SIMC1: variants seen among roughly 807,000 people sequenced by gnomAD.
SIMC1 encodes SUMO-interacting motif-containing protein 1.
SIMC1 carries 55 observed loss-of-function variants against 82.3 expected under a neutral mutation model. The ratio of observed to expected loss-of-function variants is 0.67; its 90% CI spans 0.54 to 0.84. The LOEUF is 0.84. Ranked by LOEUF, SIMC1 falls within the 40% of genes least tolerant of loss-of-function variation. SIMC1 has a pLI of 0.00. For missense variants in SIMC1, 915 were observed against 1,107.2 expected (o/e 0.83, Z 2.46); for synonymous variants, 353 against 426.3 (o/e 0.83, Z 2.12).
At chr5:176,259,721 C>G (rs1225515953) in intron 1 of SIMC1, among the ~76,000 whole-genome samples, 1 of 151,018 alleles carries the variant, frequency 6.6e-6, no homozygotes, top group Non-Finnish European at 1.5e-5. Flanking sequence ...TGCAGTGAGC[C>G]GAAATCGTGC....
intron 9 of SIMC1, among the ~76,000 whole-genome samples, chr5:176,344,680 C>CGTAAA: frequency 6.6e-6 from 1 of 152,262 alleles, no homozygotes; most frequent in African/African-American, 2.4e-5. Context: ...GGAGGTGCTA[C>CGTAAA]GTAAACACTT....
At chr5:176,257,223 C>T (rs1761875399) in intron 1 of SIMC1, among the ~76,000 whole-genome samples, 1 of 152,124 alleles carries the variant, frequency 6.6e-6, no homozygotes, top group African/African-American at 2.4e-5. Flanking sequence ...GCTGTTCTTG[C>T]ATTACTGTAA....
intron 4 of SIMC1, among the ~76,000 whole-genome samples, chr5:176,306,302 C>T (rs1359719597): frequency 7.2e-6 from 1 of 139,218 alleles, no homozygotes; most frequent in Admixed American, 7.0e-5. Flanking sequence ...GGGGTCAGCC[C>T]CCCGTCCGGC....
chr5:176,255,256 A>G (rs1761811707), intron 1 of SIMC1, among the ~76,000 whole-genome samples: 1 of 150,458 alleles, frequency 6.6e-6, no homozygotes. Context: ...AAAAAAAAGA[A>G]CCAATAATGT....
At chr5:176,251,432 A>G (rs113522445) in intron 1 of SIMC1, among the ~76,000 whole-genome samples, 1 of 152,012 alleles carries the variant, frequency 6.6e-6, no homozygotes, top group African/African-American at 2.4e-5. Flanking sequence ...TCCTTTCCAT[A>G]TTTAGTGCTT....
chr5:176,295,110 G>T lies in SIMC1; in HGVS notation c.1512G>T (p.Leu504=). The T allele has an allele frequency of 6.2e-7, 1 of 1,613,548 alleles. No homozygotes were observed. Among genetic ancestry groups the T allele is most frequent in the Non-Finnish European group, 8.5e-7 (1 of 1,179,692 alleles). ...VTNTIEENFP[L]GTVQFLMDFV... ...ATACCATTGAAGAGAATTTTCCTCT[G>T]GGGACTGTGCAGTTTTTGATGGACT... The change falls in exon 3 of 10, where the codon CTG becomes CTT. Residue 504 remains leucine (L), a synonymous_variant. Transcript: ENST00000429602.
At chr5:176,308,812 T>C (rs1161761282) in intron 4 of SIMC1, 16 of 1,239,538 alleles carry the variant, frequency 1.3e-5, no homozygotes, top group Non-Finnish European at 1.8e-5. Context: ...TATTGGAGGA[T>C]CCACAGCCTT....
chr5:176,251,660 T>G (rs1268573499), intron 1 of SIMC1, among the ~76,000 whole-genome samples: 1 of 150,796 alleles, frequency 6.6e-6, no homozygotes, highest in Non-Finnish European at 1.5e-5. Flanking sequence ...AGGACAATAG[T>G]GGAGGGAAGG....
Position 176,315,993 on chromosome 5 carries a change from G to T in SIMC1, c.1889+2148G>T, listed in dbSNP as rs532932600. ...AGTTCAAGACCAGCCTGGCCAACAC[G>T]GTGAAACCCTATCTCTACTAAAAAT... On this transcript the variant is annotated intron_variant, in intron 5 of 9. Transcript: ENST00000429602. 3.8e-4 allele frequency among the ~76,000 whole-genome samples: 57 copies of T among 151,944 alleles called. 1 individual carries two copies. Among genetic ancestry groups the T allele is most frequent in the Middle Eastern group, 3.4e-3 (1 of 292 alleles).
intron 1 of SIMC1, among the ~76,000 whole-genome samples, chr5:176,276,571 A>G (rs1361088227): frequency 1.4e-5 from 2 of 145,796 alleles, no homozygotes; most frequent in Non-Finnish European, 3.0e-5. Context: ...AGCATTAGGT[A>G]TATCTCCCAA....
intron 4 of SIMC1, chr5:176,308,077 G>C: frequency 1.4e-6 from 1 of 727,154 alleles, no homozygotes; most frequent in Non-Finnish European, 2.5e-6. Context: ...CAGTGCAGGT[G>C]GTGCAGGCGG....
At chr5:176,324,396 C>A (rs1765287777) in intron 6 of SIMC1, among the ~76,000 whole-genome samples, 2 of 152,090 alleles carry the variant, frequency 1.3e-5, no homozygotes. Context: ...AGCTCAACCC[C>A]AGGTTCTGAG....
chr5:176,319,936 G>A (rs1440961167), intron 5 of SIMC1, among the ~76,000 whole-genome samples: 1 of 152,026 alleles, frequency 6.6e-6, no homozygotes, highest in African/African-American at 2.4e-5. Flanking sequence ...AAAAGATAAT[G>A]GAAGCTCTGA....
At chr5:176,303,033 T>G (rs1389016125) in intron 4 of SIMC1, among the ~76,000 whole-genome samples, 1 of 152,154 alleles carries the variant, frequency 6.6e-6, no homozygotes, top group Non-Finnish European at 1.5e-5. Flanking sequence ...CATTTCTTTT[T>G]TTTTGTAGAA....
In SIMC1 at chr5:176,345,268, A is replaced by G. The variant is rs1250697361; in HGVS notation, c.2499A>G (p.Thr833=). 6.2e-7 allele frequency: 1 copy of G among 1,614,032 alleles called. No homozygotes were observed. Among genetic ancestry groups the G allele is most frequent in the Non-Finnish European group, 8.5e-7 (1 of 1,179,876 alleles). Residue 833 remains threonine (T), a synonymous_variant, in exon 10 of 10, where the codon ACA becomes ACG. Transcript: ENST00000429602. The stretch of plus-strand genomic sequence containing the variant: ...AACCCCAGCAAGGAGATGACATCAC[A>G]GTGGTAGACGTAGAGAAGCAGATTG... ...KPKPQQGDDI[T]VVDVEKQIEA...
chr5:176,274,679 C>T lies in SIMC1; in HGVS notation c.130-14975C>T, dbSNP rs374097002. 2.0e-4 allele frequency among the ~76,000 whole-genome samples: 31 copies of T among 151,704 alleles called. No individual in the cohort carries two copies. The East Asian group carries it at 3.7e-3, about 18-fold the overall frequency. ...CTTTAATCCATCTTGAATTGATTTT[C>T]GTATAAGGTGTAAGGAAGGGATCCA... On this transcript the variant is annotated intron_variant, in intron 1 of 9. Transcript: ENST00000429602.
intron 1 of SIMC1, among the ~76,000 whole-genome samples, chr5:176,260,385 A>T (rs1179060733): frequency 1.3e-5 from 2 of 152,170 alleles, no homozygotes; most frequent in African/African-American, 4.8e-5. Flanking sequence ...TAGGTACACC[A>T]AAACCTCACA....
chr5:176,340,230 T>C lies in SIMC1; in HGVS notation c.2413+3084T>C, dbSNP rs182461847. 9.2e-5 allele frequency among the ~76,000 whole-genome samples: 14 copies of C among 152,288 alleles called. No homozygotes were observed. The East Asian group carries it at 2.5e-3, about 27-fold the overall frequency. On this transcript the variant is annotated intron_variant, in intron 9 of 9. Transcript: ENST00000429602. The stretch of plus-strand genomic sequence containing the variant: ...GAGAAAAGCAAATGCAGAGCTAGGA[T>C]TCAAACAGGTCTGTCAGAGACACGG...
chr5:176,296,400 A>T, intron 4 of SIMC1, 80 bp downstream of exon 4: 2 of 1,608,180 alleles, frequency 1.2e-6, no homozygotes, highest in Non-Finnish European at 8.5e-7. Context: ...GCCATGGCTC[A>T]CACCTGTAAT....
Sources: allele counts gnomAD v4.1 joint callset (sites outside exome capture counted in the v4.1 genomes callset), GRCh38; gene constraint gnomAD v4.1.1; transcripts MANE v1.5; gene names NCBI Gene and HGNC (gene_info 2026-07-23, HGNC 2026-07-21).